CATSPERE: variants seen among roughly 807,000 people sequenced by gnomAD.
CATSPERE encodes the protein cation channel sperm-associated auxiliary subunit epsilon.
Under a neutral mutation model 114.1 loss-of-function variants are expected in CATSPERE, and 93 were observed. That is an observed-to-expected ratio of 0.81 (90% CI 0.69 to 0.97). The LOEUF is 0.97. Ranked by LOEUF, CATSPERE falls within the 50% of genes least tolerant of loss-of-function variation. The probability of loss-of-function intolerance (pLI) is 0.00; values close to 1 mark genes in which losing one functional copy is unlikely to be tolerated. For synonymous variants in CATSPERE, 341 were observed against 384.1 expected (o/e 0.89, Z 1.31); for missense variants, 1,058 against 1,131.6 (o/e 0.93, Z 0.93).
chr1:244,599,479 G>T (rs567099032), intron 17 of CATSPERE, among the ~76,000 whole-genome samples: 4 of 152,202 alleles, frequency 2.6e-5, no homozygotes, highest in African/African-American at 9.6e-5. Context: ...CTATCTATTT[G>T]TCAATGCCTG....
chr1:244,508,593 G>C (rs552316376), intron 7 of CATSPERE, among the ~76,000 whole-genome samples: 1 of 151,474 alleles, frequency 6.6e-6, no homozygotes, highest in African/African-American at 2.4e-5. Context: ...GAGCCACTGC[G>C]CCTGGCCAGA....
intron 2 of CATSPERE, among the ~76,000 whole-genome samples, chr1:244,471,574 A>G (rs1480426614): frequency 6.6e-6 from 1 of 152,152 alleles, no homozygotes; most frequent in Non-Finnish European, 1.5e-5. Context: ...GCAGCCACGA[A>G]TCTATTTCCT....
chr1:244,451,734 G>C, upstream of CATSPERE: 1 of 1,608,108 alleles, frequency 6.2e-7, no homozygotes, highest in Non-Finnish European at 8.5e-7. The surrounding 1 kb of genome is among the most constrained non-coding windows in gnomAD (Gnocchi z 6.6). Context: ...CCGTCACCCG[G>C]TTTCCTCCGG....
intron 1 of CATSPERE, chr1:244,454,674 A>G (rs1665963987): frequency 1.3e-5 from 2 of 151,560 alleles, no homozygotes; most frequent in South Asian, 4.2e-4. Context: ...TAAATAGTAA[A>G]CTGTTTACCT....
chr1:244,500,740 T>A (rs1673909596), intron 7 of CATSPERE, among the ~76,000 whole-genome samples: 1 of 152,238 alleles, frequency 6.6e-6, no homozygotes, highest in Non-Finnish European at 1.5e-5. Context: ...CTGTTTTGGT[T>A]ACTGTAGCTT....
chr1:244,539,402 A>G (rs1412754836), intron 8 of CATSPERE, among the ~76,000 whole-genome samples: 1 of 131,164 alleles, frequency 7.6e-6, no homozygotes, highest in African/African-American at 2.7e-5. Flanking sequence ...TTTTTGCATC[A>G]ATGTTCATCA....
chr1:244,465,270 G>T (rs1377444516), intron 2 of CATSPERE, among the ~76,000 whole-genome samples: 2 of 152,022 alleles, frequency 1.3e-5, no homozygotes, highest in African/African-American at 2.4e-5. Context: ...TCCTGACCTC[G>T]TGATCCACCA....
At chr1:244,470,258 G>C (rs1462860512) in intron 2 of CATSPERE, among the ~76,000 whole-genome samples, 1 of 152,230 alleles carries the variant, frequency 6.6e-6, no homozygotes, top group African/African-American at 2.4e-5. Context: ...CACAGGATGG[G>C]AGAGAAATTT....
chr1:244,467,372 T>G (rs897571369), intron 2 of CATSPERE, among the ~76,000 whole-genome samples: 4 of 152,116 alleles, frequency 2.6e-5, no homozygotes, highest in African/African-American at 9.7e-5. Context: ...ACCAGCAAAC[T>G]TATGAAAAAT....
chr1:244,472,586 G>A (rs755335248), intron 2 of CATSPERE, among the ~76,000 whole-genome samples: 1 of 152,120 alleles, frequency 6.6e-6, no homozygotes, highest in Non-Finnish European at 1.5e-5. Flanking sequence ...TTGCATTAGT[G>A]TGCTACATTT....
chr1:244,451,949 G>A (rs1665637313), upstream of CATSPERE: 2 of 966,160 alleles, frequency 2.1e-6, no homozygotes, highest in Non-Finnish European at 2.9e-6. The surrounding 1 kb of genome is among the most constrained non-coding windows in gnomAD (Gnocchi z 6.6). Flanking sequence ...CCGCCCCGCC[G>A]GGCCGCCACC....
At chr1:244,577,769 AT>A (rs1665512374) in intron 11 of CATSPERE, among the ~76,000 whole-genome samples, 1 of 152,252 alleles carries the variant, frequency 6.6e-6, no homozygotes, top group Non-Finnish European at 1.5e-5. Flanking sequence ...AGAGGAACAC[AT>A]TCAGACCATA....
At chr1:244,507,601 A>G (rs113124916) in intron 7 of CATSPERE, among the ~76,000 whole-genome samples, 4 of 152,134 alleles carry the variant, frequency 2.6e-5, no homozygotes, top group Admixed American at 6.6e-5. Flanking sequence ...TTCTTCTAGT[A>G]GTTTTATAGT....
intron 20 of CATSPERE, among the ~76,000 whole-genome samples, chr1:244,631,111 T>G (rs1673886022): frequency 6.6e-6 from 1 of 152,154 alleles, no homozygotes; most frequent in Non-Finnish European, 1.5e-5. Flanking sequence ...ACAACGTGTT[T>G]GTTGAGATGG....
intron 18 of CATSPERE, among the ~76,000 whole-genome samples, chr1:244,608,535 C>CA (rs150288682): frequency 0.051 from 5,704 of 111,728 alleles, 143 homozygotes; most frequent in Non-Finnish European, 0.058. Context: ...GATCCTGTCT[C>CA]AAAAAAAAAA....
chr1:244,589,484 T>C (rs1293729489), intron 14 of CATSPERE, among the ~76,000 whole-genome samples: 2 of 152,222 alleles, frequency 1.3e-5, no homozygotes, highest in African/African-American at 4.8e-5. Flanking sequence ...ATATAGCCGG[T>C]ATCATCCTAT....
chr1:244,525,298 A>C (rs1678372858), intron 8 of CATSPERE, among the ~76,000 whole-genome samples: 1 of 136,136 alleles, frequency 7.3e-6, no homozygotes, highest in African/African-American at 2.8e-5. Flanking sequence ...ATGAGAACAC[A>C]TGGACACAGG....
intron 10 of CATSPERE, among the ~76,000 whole-genome samples, chr1:244,569,269 A>G (rs1664095410): frequency 6.6e-6 from 1 of 152,186 alleles, no homozygotes; most frequent in South Asian, 2.1e-4. Context: ...GGCTGCACCC[A>G]CTGTCTAACC....
At chr1:244,457,154 T>C (rs1388468170), upstream of CATSPERE, among the ~76,000 whole-genome samples, 1 of 152,224 alleles carries the variant, frequency 6.6e-6, no homozygotes, top group Non-Finnish European at 1.5e-5. Context: ...AGAAATTATT[T>C]AGCTTTTTTC....
Sources: allele counts gnomAD v4.1 joint callset (sites outside exome capture counted in the v4.1 genomes callset), GRCh38; gene constraint gnomAD v4.1.1; non-coding constraint Gnocchi (gnomAD v3.1); transcripts MANE v1.5; gene names NCBI Gene and HGNC (gene_info 2026-07-23, HGNC 2026-07-21).